Variants in EMP1 observed in about 807,000 individuals in gnomAD.
EMP1 encodes the protein tumor-associated membrane protein.
EMP1 carries 5 observed loss-of-function variants against 15.7 expected under a neutral mutation model. The observed-to-expected ratio is 0.32, with a 90% CI of 0.17 to 0.67. The LOEUF (loss-of-function observed/expected upper bound fraction) is 0.67, where lower values mean the gene tolerates loss of function less well. Ranked by LOEUF, EMP1 falls within the 30% of genes least tolerant of loss-of-function variation. The pLI is 0.74. For missense variants in EMP1, 166 were observed against 194.2 expected, an observed-to-expected ratio of 0.85 and a Z score of 0.86; for synonymous variants, 78 against 76.7, an observed-to-expected ratio of 1.02 and a Z score of -0.09.
chr12:13,217,755 A>G lies in EMP1; in HGVS notation c.*3064A>G, dbSNP rs1173435669. The stretch of plus-strand genomic sequence containing the variant: ...AAGCCTGGATGGTGAATGGGGGTGC[A>G]TTAGTCAGAATTCTCCAGAGAAACA... On this transcript the variant is annotated 3_prime_UTR_variant, in exon 5 of 5. Coordinates refer to ENST00000256951, the MANE Select transcript of EMP1 (RefSeq NM_001423.3). The G allele has an allele frequency of 6.6e-6, 1 of 152,174 alleles. No individual in the cohort carries two copies. Among genetic ancestry groups the G allele is most frequent in the Non-Finnish European group, 1.5e-5 (1 of 68,044 alleles). 9.4% of individuals were successfully genotyped at this position (152,174 alleles called of 1,614,324 possible).
At chr12:13,198,108 A>C (rs1676638863) in intron 1 of EMP1, among the ~76,000 whole-genome samples, 1 of 152,220 alleles carries the variant, frequency 6.6e-6, no homozygotes, top group African/African-American at 2.4e-5. Flanking sequence ...AGAACTTTTA[A>C]AAGAAAGTGG....
intron 1 of EMP1, among the ~76,000 whole-genome samples, chr12:13,204,243 C>T (rs763346518): frequency 9.2e-5 from 14 of 152,034 alleles, no homozygotes; most frequent in East Asian, 1.9e-4. Context: ...ATGTTTCCCA[C>T]GGAGAAATTA....
intron 1 of EMP1, among the ~76,000 whole-genome samples, chr12:13,203,265 T>G (rs538903461): frequency 2.6e-5 from 4 of 152,326 alleles, no homozygotes; most frequent in African/African-American, 9.6e-5. Flanking sequence ...TTGAAGACAT[T>G]CTGGCTGCCA....
At position 13,215,099 on chromosome 12, in the gene EMP1, C is replaced by T. The variant is rs577174368; in HGVS notation, c.*408C>T. The T allele has an allele frequency of 5.3e-6, 1 of 189,210 alleles. No homozygotes were observed. The highest frequency in any genetic ancestry group is 2.3e-5 in the African/African-American group (1 of 42,856). The allele number at this position is 189,210 out of a possible 1,614,324, so 11.7% of individuals were successfully genotyped here. ...AAGTTCTGGCAAGAGCAGATACTGT[C>T]TTTGTGCTGAATACGCTAAGCCTGG... On this transcript the variant is annotated 3_prime_UTR_variant, in exon 5 of 5. Transcript: ENST00000256951.
intron 1 of EMP1, among the ~76,000 whole-genome samples, chr12:13,202,426 G>T (rs1171138717): frequency 6.6e-6 from 1 of 152,206 alleles, no homozygotes; most frequent in East Asian, 1.9e-4. Flanking sequence ...TCATTTCAAA[G>T]AATCAAAGAC....
intron 1 of EMP1, among the ~76,000 whole-genome samples, chr12:13,201,724 T>A (rs1281188796): frequency 6.6e-6 from 1 of 152,066 alleles, no homozygotes; most frequent in Non-Finnish European, 1.5e-5. Flanking sequence ...GCACTAGGAA[T>A]AAAAGAAAGA....
intron 1 of EMP1, among the ~76,000 whole-genome samples, chr12:13,202,027 C>T (rs1453356884): frequency 2.6e-5 from 4 of 151,854 alleles, no homozygotes; most frequent in Non-Finnish European, 5.9e-5. Context: ...ATGCTGTTTC[C>T]CAGGCCTGTG....
At chr12:13,199,943 TTTC>T (rs760303373) in intron 1 of EMP1, among the ~76,000 whole-genome samples, 44 of 149,424 alleles carry the variant, frequency 2.9e-4, no homozygotes, top group African/African-American at 3.7e-4. Context: ...TGCATTATCT[TTTC>T]TTCTTCTTCT....
chr12:13,202,134 T>A (rs1864071483), intron 1 of EMP1, among the ~76,000 whole-genome samples: 1 of 152,090 alleles, frequency 6.6e-6, no homozygotes, highest in South Asian at 2.1e-4. Context: ...AAGGGAGAAG[T>A]GATGAGGATG....
Position 13,211,857 on chromosome 12 carries a change from C to T in EMP1, c.78+269C>T, listed in dbSNP as rs529522945. 8.1e-5 allele frequency: 36 copies of T among 445,862 alleles called. No individual in the cohort carries two copies. The highest frequency in any genetic ancestry group is 7.0e-4 in the African/African-American group (35 of 49,936). 27.6% of individuals were successfully genotyped at this position (445,862 alleles called of 1,614,324 possible). ...CTTCTTCGGTCTCTAGAAGAGCCTT[C>T]CCAGCAGCAGGGGTGAGTGGAGCTT... On this transcript the variant is annotated intron_variant, in intron 2 of 4. Transcript: ENST00000256951. The surrounding 1 kb of genome is among the most constrained non-coding windows in gnomAD (Gnocchi z 4.7).
intron 1 of EMP1, among the ~76,000 whole-genome samples, chr12:13,201,287 G>A (rs1864064398): frequency 6.6e-6 from 1 of 152,036 alleles, no homozygotes; most frequent in African/African-American, 2.4e-5. Flanking sequence ...CATGCCTGTA[G>A]TCCCAGCTAC....
intron 1 of EMP1, among the ~76,000 whole-genome samples, chr12:13,206,974 G>A (rs1202060556): frequency 2.0e-5 from 3 of 151,758 alleles, no homozygotes; most frequent in African/African-American, 7.3e-5. Context: ...GTGTGTAAGA[G>A]GGAGGCAAGA....
intron 4 of EMP1, chr12:13,214,316 A>G: frequency 1.5e-6 from 1 of 648,750 alleles, no homozygotes; most frequent in Non-Finnish European, 2.6e-6. Context: ...TGGCCACACA[A>G]ACCAGTGCAG....
In EMP1 at chr12:13,215,318, A is replaced by T. The variant is rs1479403567; in HGVS notation, c.*627A>T. Reference sequence around the variant, plus strand: ...GTGGGTTAGCTAAACCAAGAAGGAGACCTTTTCACAATGGAAAACCTGGGG... The same window carrying T: ...GTGGGTTAGCTAAACCAAGAAGGAGTCCTTTTCACAATGGAAAACCTGGGG... On this transcript the variant is annotated 3_prime_UTR_variant, in exon 5 of 5. Coordinates refer to ENST00000256951, the MANE Select transcript of EMP1 (RefSeq NM_001423.3). 6.6e-6 allele frequency: 1 copy of T among 152,488 alleles called. No homozygotes were observed. Among genetic ancestry groups the T allele is most frequent in the Non-Finnish European group, 1.5e-5 (1 of 68,374 alleles). The allele number at this position is 152,488 out of a possible 1,614,324, so 9.4% of individuals were successfully genotyped here.
At chr12:13,209,692 CAG>C (rs1864146899) in intron 1 of EMP1, 1 of 152,108 alleles carries the variant, frequency 6.6e-6, no homozygotes, top group African/African-American at 2.4e-5. Context: ...AATGAGGAAA[CAG>C]ATGAGCGGTC....
Position 13,214,648 on chromosome 12 carries a change from G to C in EMP1, c.431G>C (p.Ser144Thr), listed in dbSNP as rs908553209. The C allele has an allele frequency of 1.2e-6, 2 of 1,613,808 alleles. No individual in the cohort carries two copies. The highest frequency in any genetic ancestry group is 2.2e-5 in the South Asian group (2 of 91,044). The change falls in exon 5 of 5, where the codon AGC (serine) becomes ACC (threonine). Residue 144 changes from serine (S) to threonine (T), a missense_variant. Physicochemically the swap from Ser to Thr is moderately conservative, Grantham distance 58. Coordinates refer to ENST00000256951, the MANE Select transcript of EMP1 (RefSeq NM_001423.3). ...CTGGGCTGGATCTGCTTCTGCTTCA[G>C]CTTCATCATCGGCGTTCTCTATCTG... is the stretch of plus-strand genomic sequence containing the variant. ...YILGWICFCF[S>T]FIIGVLYLVL...
At chr12:13,203,364 G>T (rs1295146005) in intron 1 of EMP1, among the ~76,000 whole-genome samples, 3 of 152,220 alleles carry the variant, frequency 2.0e-5, no homozygotes, top group Non-Finnish European at 4.4e-5. Flanking sequence ...GCTGCAGTCT[G>T]GGGGAGTAGG....
chr12:13,213,715 C>T lies in EMP1; in HGVS notation c.210C>T (p.Leu70=), dbSNP rs1319378338. The change falls in exon 4 of 5, where the codon CTC becomes CTT. Residue 70 remains leucine, a synonymous_variant. Coordinates refer to ENST00000256951, the MANE Select transcript of EMP1 (RefSeq NM_001423.3). The part of the protein sequence containing the change: ...ALKTVQAFMI[L]SIIFCVIALL... ...AGACAGTGCAGGCCTTCATGATTCTCTCTATCATCTTCTGTGTCATTGCCC... is the reference window on the plus strand; with the variant it reads ...AGACAGTGCAGGCCTTCATGATTCTTTCTATCATCTTCTGTGTCATTGCCC... 1.9e-5 allele frequency: 31 copies of T among 1,614,044 alleles called. No homozygotes were observed. The highest frequency in any genetic ancestry group is 2.5e-5 in the Non-Finnish European group (29 of 1,180,036).
chr12:13,213,811 A>G lies in EMP1; in HGVS notation c.306A>G (p.Thr102=), dbSNP rs1864189016. 4 of 1,613,940 alleles carry G rather than the reference A, an allele frequency of 2.5e-6. No individual in the cohort carries two copies. The East Asian group carries it at 8.9e-5, about 36-fold the overall frequency. ...GGTTCTTCCTCTCAGGGGCCACCACACTGGTGTGCTGTGAGTATCTCATGG... is the reference window on the plus strand; with the variant it reads ...GGTTCTTCCTCTCAGGGGCCACCACGCTGGTGTGCTGTGAGTATCTCATGG... The part of the protein sequence containing the change: ...GNRFFLSGAT[T]LVCWLCILVG... Residue 102 remains threonine, a synonymous_variant, in exon 4 of 5, where the codon ACA becomes ACG. Transcript: ENST00000256951.
Sources: allele counts gnomAD v4.1 joint callset (sites outside exome capture counted in the v4.1 genomes callset), GRCh38; gene constraint gnomAD v4.1.1; non-coding constraint Gnocchi (gnomAD v3.1); transcripts MANE v1.5; gene names NCBI Gene and HGNC (gene_info 2026-07-23, HGNC 2026-07-21).